The following BRAT1 variants were observed in gnomAD, a reference collection of about 807,000 sequenced individuals.
BRAT1 encodes integrator complex assembly factor BRAT1.
In BRAT1, 74 loss-of-function variants were observed where a neutral mutation model predicts 70.6. The ratio of observed to expected loss-of-function variants is 1.05; its 90% CI spans 0.87 to 1.27. The LOEUF (loss-of-function observed/expected upper bound fraction) is 1.27. BRAT1 is among the 50% of genes most tolerant of loss of function. BRAT1 has a pLI of 0.00. For missense variants in BRAT1, 1,203 were observed against 1,098.2 expected, an observed-to-expected ratio of 1.10 and a Z score of -1.35; for synonymous variants, 615 against 517.1, an observed-to-expected ratio of 1.19 and a Z score of -2.57.
In BRAT1 at chr7:2,539,122, C is replaced by T. The variant is rs78571691; in HGVS notation, c.1770+57G>A. On this transcript the variant is annotated intron_variant, in intron 13 of 13. Transcript: ENST00000340611. ...GGCCGCTCGACCACCCGCAAGCAAA[C>T]GAGCACACACGATGGCCAGGCGGGA... 8.2e-4 allele frequency: 1,272 copies of T among 1,542,940 alleles called. 14 individuals carry two copies. In the African/African-American group the frequency reaches 0.014, roughly 18 times the overall value.
intron 2 of BRAT1, among the ~76,000 whole-genome samples, chr7:2,550,481 C>CAAAAAAAAAAAAAAAAAA (rs369777124): frequency 3.5e-4 from 20 of 57,448 alleles, no homozygotes; most frequent in East Asian, 8.1e-4. Flanking sequence ...AAAAAAAAAA[C>CAAAAAAAAAAAAAAAAAA]AAAAAAAAAA....
Position 2,539,896 on chromosome 7 carries a change from A to C in BRAT1, c.1396-8T>G. The C allele has an allele frequency of 2.0e-6, 3 of 1,531,658 alleles. No individual in the cohort carries two copies. In the East Asian group the frequency reaches 7.1e-5, roughly 36 times the overall value. 94.9% of individuals were successfully genotyped at this position (1,531,658 alleles called of 1,614,324 possible). A position where few individuals can be genotyped will look rare whatever the true frequency, so the allele number is the denominator to read the frequency against. On this transcript the variant is annotated splice_polypyrimidine_tract_variant and splice_region_variant and intron_variant, in intron 10 of 13. Coordinates refer to ENST00000340611, the MANE Select transcript of BRAT1 (RefSeq NM_152743.4). ...GAAGGCCTTCTTCAGAACCTGGAGC[A>C]GATAGGGTGGGCTGCAGGGCCACGG...
chr7:2,545,145 C>G, intron 3 of BRAT1, 89 bp from the exon 4 acceptor site: 1 of 1,375,272 alleles, frequency 7.3e-7, no homozygotes, highest in Admixed American at 3.1e-5. Flanking sequence ...GAGGGCAGAT[C>G]ACGAGGTCAG....
intron 11 of BRAT1, 34 bp downstream of exon 11, chr7:2,539,752 C>T (rs1184405044): frequency 6.3e-7 from 1 of 1,584,020 alleles, no homozygotes; most frequent in African/African-American, 1.3e-5. Context: ...CCTGCGACTC[C>T]AGCTCCGTTC....
At chr7:2,552,582 T>C (rs1006441698) in intron 2 of BRAT1, among the ~76,000 whole-genome samples, 1 of 151,348 alleles carries the variant, frequency 6.6e-6, no homozygotes, top group Non-Finnish European at 1.5e-5. Context: ...TACAATATAA[T>C]TTAAAAATAA....
In BRAT1 at chr7:2,543,977, G is replaced by C; in HGVS notation, c.431-15C>G. ...GTCGACCGCACCTGGGTAGGGGATG[G>C]GGGAAGAGAGGGAAAAGGGGGTGAG... is the stretch of plus-strand genomic sequence containing the variant. On this transcript the variant is annotated splice_polypyrimidine_tract_variant and intron_variant, in intron 4 of 13. Coordinates refer to ENST00000340611, the MANE Select transcript of BRAT1 (RefSeq NM_152743.4). This position sits in a 1 kb window ranked among gnomAD's most constrained non-coding sequence, Gnocchi z 5.5. The C allele has an allele frequency of 1.3e-6, 2 of 1,541,578 alleles. No individual in the cohort carries two copies. Among genetic ancestry groups the C allele is most frequent in the Non-Finnish European group, 1.8e-6 (2 of 1,137,754 alleles).
rs778223144 is a variant in BRAT1 at position 2,541,005 on chromosome 7, G to A, written c.1369C>T (p.Leu457Phe). 6.4e-7 allele frequency: 1 copy of A among 1,557,290 alleles called. No individual in the cohort carries two copies. The highest frequency in any genetic ancestry group is 8.6e-7 in the Non-Finnish European group (1 of 1,163,394). Residue 457 changes from leucine (L) to phenylalanine (F), a missense_variant, in exon 10 of 14, where the codon CTC becomes TTC. By Grantham distance (22) the Leu-to-Phe change is conservative. Coordinates refer to ENST00000340611, the MANE Select transcript of BRAT1 (RefSeq NM_152743.4). ...TQALAVLLECLESPGSSPTVL... is the reference protein window; with the variant it reads ...TQALAVLLECFESPGSSPTVL... ...GTGGGGCTGGAGCCGGGGCTCTCGA[G>A]GCACTCCAGGAGGACAGCAAGCGCC... is the stretch of plus-strand genomic sequence containing the variant.
chr7:2,554,970 C>A (rs1221098464), intron 1 of BRAT1, among the ~76,000 whole-genome samples: 1 of 149,888 alleles, frequency 6.7e-6, no homozygotes, highest in African/African-American at 2.5e-5. Context: ...TGTGTCTGTC[C>A]CTCTCAGGGT....
chr7:2,550,174 G>A (rs200873370), intron 2 of BRAT1, among the ~76,000 whole-genome samples: 42 of 144,606 alleles, frequency 2.9e-4, no homozygotes, highest in South Asian at 8.9e-4. Context: ...AAAAAAAAAA[G>A]AAAAAAAAAA....
chr7:2,541,653 C>T lies in BRAT1; in HGVS notation c.1134+65G>A. On this transcript the variant is annotated intron_variant, in intron 8 of 13. Coordinates refer to ENST00000340611, the MANE Select transcript of BRAT1 (RefSeq NM_152743.4). Reference sequence around the variant, plus strand: ...GCAGCAAGGGGTGGGGGGCGTCAGCCTACGTTGCGGTCCCACCGCCAGCGT... The same window carrying T: ...GCAGCAAGGGGTGGGGGGCGTCAGCTTACGTTGCGGTCCCACCGCCAGCGT... The T allele has an allele frequency of 2.0e-6, 3 of 1,521,352 alleles. No homozygotes were observed. In the South Asian group the frequency reaches 3.6e-5, roughly 18 times the overall value. 94.2% of individuals were successfully genotyped at this position (1,521,352 alleles called of 1,614,324 possible).
chr7:2,546,727 T>C (rs1779633913), intron 3 of BRAT1, among the ~76,000 whole-genome samples: 1 of 152,084 alleles, frequency 6.6e-6, no homozygotes, highest in East Asian at 1.9e-4. Context: ...AGAGCAAGAC[T>C]CTGTCTCGAA....
chr7:2,547,513 G>T (rs1273217184), intron 2 of BRAT1, 35 bp from the exon 3 acceptor site: 2 of 1,603,742 alleles, frequency 1.2e-6, no homozygotes, highest in East Asian at 4.5e-5. Context: ...GTCACCAGGG[G>T]TACGGCACCA....
rs750281203 is a variant in BRAT1 at position 2,543,559 on chromosome 7, A to C, written c.803+31T>G. 3 of 1,501,800 alleles carry C rather than the reference A, an allele frequency of 2.0e-6. No individual in the cohort carries two copies. Among genetic ancestry groups the C allele is most frequent in the Non-Finnish European group, 1.8e-6 (2 of 1,125,186 alleles). The allele number at this position is 1,501,800 out of a possible 1,614,324, so 93.0% of individuals were successfully genotyped here. Reference sequence around the variant, plus strand: ...ATCCGAGGAAAACAGTTGCCCACCCAGGCCCCCCAGCTGCGTCCCGGGGCC... The same window carrying C: ...ATCCGAGGAAAACAGTTGCCCACCCCGGCCCCCCAGCTGCGTCCCGGGGCC... On this transcript the variant is annotated intron_variant, in intron 5 of 13. Coordinates refer to ENST00000340611, the MANE Select transcript of BRAT1 (RefSeq NM_152743.4). This position sits in a 1 kb window ranked among gnomAD's most constrained non-coding sequence, Gnocchi z 5.5.
intron 3 of BRAT1, 63 bp from the exon 4 acceptor site, chr7:2,545,119 A>G: frequency 1.4e-6 from 2 of 1,432,782 alleles, no homozygotes. Context: ...TAATCCCAGC[A>G]CTTTGGGAGG....
chr7:2,542,410 C>T, intron 6 of BRAT1, 199 bp from the exon 7 acceptor site: 2 of 603,904 alleles, frequency 3.3e-6, no homozygotes, highest in East Asian at 2.8e-5. Flanking sequence ...GGAGATGGGC[C>T]TGACACTCCT....
At chr7:2,547,284 C>T in intron 3 of BRAT1, 40 bp downstream of exon 3, 2 of 1,607,290 alleles carry the variant, frequency 1.2e-6, no homozygotes, top group Non-Finnish European at 1.7e-6. Flanking sequence ...AGCCTGCCCA[C>T]CTCTCCACGG....
In BRAT1 at chr7:2,543,973, G is replaced by T; in HGVS notation, c.431-11C>A. The T allele has an allele frequency of 1.3e-6, 2 of 1,547,850 alleles. No homozygotes were observed. The highest frequency in any genetic ancestry group is 1.8e-6 in the Non-Finnish European group (2 of 1,140,712). The stretch of plus-strand genomic sequence containing the variant: ...TGGTGTCGACCGCACCTGGGTAGGG[G>T]ATGGGGGAAGAGAGGGAAAAGGGGG... On this transcript the variant is annotated splice_polypyrimidine_tract_variant and intron_variant, in intron 4 of 13. Transcript: ENST00000340611. This position sits in a 1 kb window ranked among gnomAD's most constrained non-coding sequence, Gnocchi z 5.5.
chr7:2,541,778 C>G lies in BRAT1; in HGVS notation c.1074G>C (p.Lys358Asn), dbSNP rs766952611. Residue 358 changes from lysine to asparagine, a missense_variant, in exon 8 of 14, where the codon AAG (lysine) becomes AAC (asparagine). Transcript: ENST00000340611. ...GGCACAGGAGGCCGGCGCAGGACGA[C>G]TTGGAGGCCAGGAGTGTGTCCACCG... The part of the protein sequence containing the change: ...ATTVDTLLAS[K>N]SSCAGLLCRT... The G allele has an allele frequency of 6.2e-7, 1 of 1,612,714 alleles. No homozygotes were observed. The highest frequency in any genetic ancestry group is 8.5e-7 in the Non-Finnish European group (1 of 1,179,890).
Position 2,539,805 on chromosome 7 carries a change from G to A in BRAT1, c.1479C>T (p.Leu493=). 1.2e-6 allele frequency: 2 copies of A among 1,611,982 alleles called. No individual in the cohort carries two copies. The highest frequency in any genetic ancestry group is 1.7e-4 in the Middle Eastern group (1 of 6,040). The change falls in exon 11 of 14, where the codon CTC becomes CTT. Residue 493 remains leucine, a synonymous_variant. Transcript: ENST00000340611. ...KTPGCSDLGP[L]IPQFLRELFP... ...CGTTACCTCTGAGGAACTGCGGGAT[G>A]AGGGGGCCGAGATCAGAGCAGCCGG...
Sources: allele counts gnomAD v4.1 joint callset (sites outside exome capture counted in the v4.1 genomes callset), GRCh38; gene constraint gnomAD v4.1.1; non-coding constraint Gnocchi (gnomAD v3.1); transcripts MANE v1.5; gene names NCBI Gene and HGNC (gene_info 2026-07-23, HGNC 2026-07-21).